The following RCAN2 variants were observed in gnomAD, a reference collection of about 807,000 sequenced individuals.
RCAN2 encodes regulator of calcineurin 2.
A neutral mutation model predicts 23.6 loss-of-function variants in RCAN2; 9 were observed. The observed-to-expected ratio is 0.38, with a 90% CI of 0.23 to 0.67. The LOEUF (loss-of-function observed/expected upper bound fraction) is 0.67, where lower values mean the gene tolerates loss of function less well. RCAN2 is among the 30% of genes least tolerant of loss of function. The probability of loss-of-function intolerance (pLI) is 0.51; values close to 1 mark genes in which losing one functional copy is unlikely to be tolerated. For missense variants in RCAN2, 273 were observed against 302.3 expected, an observed-to-expected ratio of 0.90 and a Z score of 0.72; for synonymous variants, 109 against 115.7, an observed-to-expected ratio of 0.94 and a Z score of 0.37.
Position 46,294,410 on chromosome 6 carries a change from C to A in RCAN2, c.226-45514G>T, listed in dbSNP as rs529033298. On this transcript the variant is annotated intron_variant, in intron 2 of 4. Transcript: ENST00000371374. ...CTGGAAAGCAATTGGTAAAGTATAT[C>A]AAAAAATTCAAAAATACTCATATTA... 3.9e-5 allele frequency among the ~76,000 whole-genome samples: 6 copies of A among 152,080 alleles called. No homozygotes were observed. In the East Asian group the frequency reaches 1.2e-3, roughly 29 times the overall value.
chr6:46,309,673 T>C (rs754720224), intron 2 of RCAN2, among the ~76,000 whole-genome samples: 4 of 152,140 alleles, frequency 2.6e-5, no homozygotes, highest in Admixed American at 6.5e-5. Flanking sequence ...AGTGGCTCAA[T>C]TGGAGAGTGC....
intron 2 of RCAN2, among the ~76,000 whole-genome samples, chr6:46,348,599 T>C (rs890912169): frequency 1.3e-5 from 2 of 152,184 alleles, no homozygotes; most frequent in African/African-American, 4.8e-5. Context: ...CAGGCTCCAA[T>C]TTTGTTCCCA....
intron 2 of RCAN2, among the ~76,000 whole-genome samples, chr6:46,424,487 A>T (rs1766979909): frequency 6.6e-6 from 1 of 152,056 alleles, no homozygotes; most frequent in African/African-American, 2.4e-5. Flanking sequence ...CCCATCCTCC[A>T]GTTCTTCTTC....
intron 2 of RCAN2, among the ~76,000 whole-genome samples, chr6:46,408,845 C>T (rs1766479072): frequency 6.6e-6 from 1 of 152,014 alleles, no homozygotes; most frequent in Admixed American, 6.5e-5. Flanking sequence ...ATCATCCTTC[C>T]ATGGATGCCT....
intron 2 of RCAN2, among the ~76,000 whole-genome samples, chr6:46,265,055 A>G (rs1767274364): frequency 6.6e-6 from 1 of 152,078 alleles, no homozygotes; most frequent in African/African-American, 2.4e-5. Context: ...AGTGCATCTC[A>G]CCCAGTGGGA....
At chr6:46,441,751 TA>T (rs1767551121) in intron 2 of RCAN2, among the ~76,000 whole-genome samples, 1 of 152,006 alleles carries the variant, frequency 6.6e-6, no homozygotes, top group East Asian at 1.9e-4. Flanking sequence ...CTGATAAAAC[TA>T]AAAAAATAAA....
At chr6:46,427,791 A>G (rs1026171544) in intron 2 of RCAN2, among the ~76,000 whole-genome samples, 5 of 152,222 alleles carry the variant, frequency 3.3e-5, no homozygotes, top group Non-Finnish European at 5.9e-5. Context: ...CTTTCAAGCA[A>G]TCCAAGCGTA....
intron 2 of RCAN2, among the ~76,000 whole-genome samples, chr6:46,411,652 C>A (rs1042252026): frequency 6.6e-6 from 1 of 151,860 alleles, no homozygotes; most frequent in Non-Finnish European, 1.5e-5. Flanking sequence ...CAGATTATTG[C>A]CAAGTAGAGA....
chr6:46,323,059 A>C (rs1178741552), intron 2 of RCAN2, among the ~76,000 whole-genome samples: 1 of 152,174 alleles, frequency 6.6e-6, no homozygotes. Flanking sequence ...ATGTTTTCTA[A>C]GTGGCTAGAG....
intron 2 of RCAN2, among the ~76,000 whole-genome samples, chr6:46,305,312 T>C (rs1298922483): frequency 6.6e-6 from 1 of 152,092 alleles, no homozygotes; most frequent in Non-Finnish European, 1.5e-5. Context: ...GGTTCTATAC[T>C]ACACTTCACG....
chr6:46,275,551 A>G (rs1767666828), intron 2 of RCAN2, among the ~76,000 whole-genome samples: 1 of 152,220 alleles, frequency 6.6e-6, no homozygotes, highest in Non-Finnish European at 1.5e-5. Context: ...ATGGTTGGAC[A>G]CTAAAAATCA....
rs142263718 is a variant in RCAN2 at position 46,273,035 on chromosome 6, C to T, written c.226-24139G>A. ...TTCTTCAATATTTTACCTGTCCTGC[C>T]TTATATAAGCCTTCATGGACCTTAG... On this transcript the variant is annotated intron_variant, in intron 2 of 4. Transcript: ENST00000371374. 5.3e-5 allele frequency among the ~76,000 whole-genome samples: 8 copies of T among 152,238 alleles called. No individual in the cohort carries two copies. The East Asian group carries it at 1.5e-3, about 29-fold the overall frequency.
chr6:46,368,654 T>C (rs1321365968), intron 2 of RCAN2, among the ~76,000 whole-genome samples: 1 of 151,840 alleles, frequency 6.6e-6, no homozygotes, highest in Admixed American at 6.6e-5. Flanking sequence ...TTTTTGTATG[T>C]AAACATATCT....
chr6:46,232,196 C>T (rs139749160), intron 4 of RCAN2, among the ~76,000 whole-genome samples: 17 of 152,354 alleles, frequency 1.1e-4, no homozygotes, highest in African/African-American at 1.7e-4. Flanking sequence ...TAACCCAGCA[C>T]GCTGTAATCC....
At chr6:46,247,316 CTCCTTCCT>C (rs891765763) in intron 3 of RCAN2, among the ~76,000 whole-genome samples, 1 of 152,068 alleles carries the variant, frequency 6.6e-6, no homozygotes, top group African/African-American at 2.4e-5. Context: ...CTCTCTTTTC[CTCCTTCCT>C]TCCTTCCTTG....
At chr6:46,250,311 CTTA>C (rs1481717959) in intron 2 of RCAN2, among the ~76,000 whole-genome samples, 1 of 152,124 alleles carries the variant, frequency 6.6e-6, no homozygotes, top group Non-Finnish European at 1.5e-5. Flanking sequence ...TAAAAATATC[CTTA>C]TTATAAGAAA....
At chr6:46,305,918 CTT>C (rs756724125) in intron 2 of RCAN2, among the ~76,000 whole-genome samples, 9 of 142,880 alleles carry the variant, frequency 6.3e-5, no homozygotes, top group Admixed American at 7.0e-5. Context: ...TGCTGAAGAC[CTT>C]TTTTTTTTTT....
intron 2 of RCAN2, among the ~76,000 whole-genome samples, chr6:46,428,191 C>T (rs1426399137): frequency 1.3e-5 from 2 of 152,140 alleles, no homozygotes; most frequent in African/African-American, 2.4e-5. Flanking sequence ...TTTTTCCAGG[C>T]TCTTTTGCAT....
chr6:46,404,283 C>A (rs1160709983), intron 2 of RCAN2, among the ~76,000 whole-genome samples: 1 of 152,042 alleles, frequency 6.6e-6, no homozygotes, highest in Non-Finnish European at 1.5e-5. Flanking sequence ...ATAGACCATG[C>A]TGACTTGATA....
Sources: allele counts gnomAD v4.1 joint callset (sites outside exome capture counted in the v4.1 genomes callset), GRCh38; gene constraint gnomAD v4.1.1; transcripts MANE v1.5; gene names NCBI Gene and HGNC (gene_info 2026-07-23, HGNC 2026-07-21).